Variants in ARSI observed in about 807,000 individuals in gnomAD.
ARSI encodes the protein arylsulfatase I.
ARSI carries 37 observed loss-of-function variants against 42.1 expected under a neutral mutation model. That is an observed-to-expected ratio of 0.88 (90% CI 0.68 to 1.16). The LOEUF is 1.16. Ranked by LOEUF, ARSI falls within the 50% of genes most tolerant of loss-of-function variation. ARSI has a pLI of 0.00. For synonymous variants in ARSI, 305 were observed against 320.3 expected, an observed-to-expected ratio of 0.95 and a Z score of 0.51; for missense variants, 725 against 790.1, an observed-to-expected ratio of 0.92 and a Z score of 0.99.
In ARSI at chr5:150,297,279, T is replaced by C. The variant is rs1334354572; in HGVS notation, c.1645A>G (p.Lys549Glu). The C allele has an allele frequency of 1.2e-6, 2 of 1,605,960 alleles. No homozygotes were observed. Among genetic ancestry groups the C allele is most frequent in the Non-Finnish European group, 1.7e-6 (2 of 1,176,848 alleles). Residue 549 changes from lysine to glutamate, a missense_variant, in exon 2 of 2, where the codon AAG becomes GAG. Physicochemically the swap from Lys to Glu is moderately conservative, Grantham distance 56. Transcript: ENST00000328668. The surrounding 1 kb of genome is among the most constrained non-coding windows in gnomAD (Gnocchi z 7.0). ...AAAAAGGATCGAAGCTTGCAAATCT[T>C]GCATTTTTTCTTGCGACGACCCCGG... ...FSRGRRKKKCKICKLRSFFRK... is the reference protein window; with the variant it reads ...FSRGRRKKKCEICKLRSFFRK...
In ARSI at chr5:150,301,046, C is replaced by A. The variant is rs188862025; in HGVS notation, c.311+1017G>T. ...CCAGCTCCGGGACCCCCGCCAAACA[C>A]CTGGCCTCTCAATCCTATCTCCCAC... On this transcript the variant is annotated intron_variant, in intron 1 of 1. Coordinates refer to ENST00000328668, the MANE Select transcript of ARSI (RefSeq NM_001012301.4). Among the ~76,000 whole-genome samples the A allele has an allele frequency of 3.2e-4, 49 of 152,314 alleles. No homozygotes were observed. In the East Asian group the frequency reaches 8.7e-3, roughly 27 times the overall value.
At position 150,298,288 on chromosome 5, in the gene ARSI, A is replaced by G. The variant is rs6579784; in HGVS notation, c.636T>C (p.Tyr212=). The change falls in exon 2 of 2, where the codon TAT becomes TAC. Residue 212 remains tyrosine (Y), a synonymous_variant. Transcript: ENST00000328668. The part of the protein sequence containing the change: ...GLSGQYSTML[Y]AQRASHILAS... ...CCAGGATATGGCTGGCGCGCTGGGC[A>G]TAAAGCATAGTGGAGTACTGGCCGC... 1,603,637 of 1,613,410 alleles carry G rather than the reference A, an allele frequency of 0.99. 796,971 individuals are homozygous for G. Among genetic ancestry groups the G allele is most frequent in the East Asian group, 1 (44,853 of 44,854 alleles).
chr5:150,297,226 G>A lies in ARSI; in HGVS notation c.1698C>T (p.Ser566=), dbSNP rs745387772. The change falls in exon 2 of 2, where the codon TCC becomes TCT. Residue 566 remains serine, a synonymous_variant. Transcript: ENST00000328668. This position sits in a 1 kb window ranked among gnomAD's most constrained non-coding sequence, Gnocchi z 7.0. The part of the protein sequence containing the change: ...FFRKLNTRLM[S]QRI ...TCCCTCCCCACCATCAGATCCGTTG[G>A]GACATTAGCCTGGTGTTGAGTTTAC... 5.1e-6 allele frequency: 8 copies of A among 1,572,184 alleles called. No homozygotes were observed. The highest frequency in any genetic ancestry group is 1.7e-4 in the Middle Eastern group (1 of 5,846).
In ARSI at chr5:150,302,053, C is replaced by T. The variant is rs1313914517; in HGVS notation, c.311+10G>A. 5 of 1,562,886 alleles carry T rather than the reference C, an allele frequency of 3.2e-6. No homozygotes were observed. The highest frequency in any genetic ancestry group is 4.3e-6 in the Non-Finnish European group (5 of 1,152,976). ...AGATGCCCAGCCCCGGGGCCTTGAG[C>T]CACGCCTACCTGCCAGTGAGGAGCT... On this transcript the variant is annotated intron_variant, in intron 1 of 1. Transcript: ENST00000328668. This position sits in a 1 kb window ranked among gnomAD's most constrained non-coding sequence, Gnocchi z 6.1.
In ARSI at chr5:150,296,690, G is replaced by C. The variant is rs1342168599; in HGVS notation, c.*524C>G. 1 of 152,752 alleles carries C rather than the reference G, an allele frequency of 6.5e-6. No individual in the cohort carries two copies. The highest frequency in any genetic ancestry group is 6.5e-5 in the Admixed American group (1 of 15,334). The allele number at this position is 152,752 out of a possible 1,614,324, so 9.5% of individuals were successfully genotyped here. A position where few individuals can be genotyped will look rare whatever the true frequency, so the allele number is the denominator to read the frequency against. Reference sequence around the variant, plus strand: ...CCTAGGCCATGTGAAGACCCAAGAAGGTCAACCCCCCCGACCCCTGCCCTC... The same window carrying C: ...CCTAGGCCATGTGAAGACCCAAGAACGTCAACCCCCCCGACCCCTGCCCTC... On this transcript the variant is annotated 3_prime_UTR_variant, in exon 2 of 2. Transcript: ENST00000328668.
At chr5:150,299,026 T>G (rs1009495321) in intron 1 of ARSI, among the ~76,000 whole-genome samples, 1 of 152,178 alleles carries the variant, frequency 6.6e-6, no homozygotes, top group Non-Finnish European at 1.5e-5. Context: ...TCACCACAAA[T>G]TCAGAGGTAC....
chr5:150,297,802 C>A lies in ARSI; in HGVS notation c.1122G>T (p.Trp374Cys). Residue 374 changes from tryptophan to cysteine, a missense_variant, in exon 2 of 2, where the codon TGG becomes TGT. Physicochemically the swap from Trp to Cys is radical, Grantham distance 215. Coordinates refer to ENST00000328668, the MANE Select transcript of ARSI (RefSeq NM_001012301.4). The surrounding 1 kb of genome is among the most constrained non-coding windows in gnomAD (Gnocchi z 7.0). Reference protein sequence around the residue: ...AADGLDGYDVWPAISEGRASP... With the variant: ...AADGLDGYDVCPAISEGRASP... ...AGGCCCGGCCCTCGCTGATGGCCGG[C>A]CACACGTCGTAGCCATCTAGCCCAT... 1.9e-6 allele frequency: 3 copies of A among 1,604,672 alleles called. No individual in the cohort carries two copies. Among genetic ancestry groups the A allele is most frequent in the Non-Finnish European group, 2.6e-6 (3 of 1,174,760 alleles).
At position 150,301,941 on chromosome 5, in the gene ARSI, A is replaced by G. The variant is rs190389750; in HGVS notation, c.311+122T>C. ...AGAGAGGGCGAGGGACTTACTAATG[A>G]TTACACAGCCAACAGGAGATTTCCC... On this transcript the variant is annotated intron_variant, in intron 1 of 1. Coordinates refer to ENST00000328668, the MANE Select transcript of ARSI (RefSeq NM_001012301.4). 4.1e-5 allele frequency: 44 copies of G among 1,085,704 alleles called. No homozygotes were observed. In the African/African-American group the frequency reaches 6.5e-4, roughly 16 times the overall value. 67.3% of individuals were successfully genotyped at this position (1,085,704 alleles called of 1,614,324 possible). A position where few individuals can be genotyped will look rare whatever the true frequency, so the allele number is the denominator to read the frequency against.
At chr5:150,301,821 C>T (rs1256097196) in intron 1 of ARSI, among the ~76,000 whole-genome samples, 1 of 152,090 alleles carries the variant, frequency 6.6e-6, no homozygotes, top group Non-Finnish European at 1.5e-5. Context: ...GATGTCTCCA[C>T]GTTGTGTGGA....
rs901350178 is a variant in ARSI at position 150,302,547 on chromosome 5, G to A, written c.-174C>T. ...GCTGCCGGACGGCTGGGCCGGATCT[G>A]CTCGGCCGCAGCGGGGCGCTCTGGG... On this transcript the variant is annotated 5_prime_UTR_variant, in exon 1 of 2. Transcript: ENST00000328668. The surrounding 1 kb of genome is among the most constrained non-coding windows in gnomAD (Gnocchi z 6.1). The A allele has an allele frequency of 3.0e-5, 14 of 473,230 alleles. No individual in the cohort carries two copies. Among genetic ancestry groups the A allele is most frequent in the African/African-American group, 6.1e-5 (3 of 48,986 alleles). The allele number at this position is 473,230 out of a possible 1,614,324, so 29.3% of individuals were successfully genotyped here.
intron 1 of ARSI, 81 bp downstream of exon 1, chr5:150,301,982 G>A: frequency 1.4e-6 from 2 of 1,394,164 alleles, no homozygotes; most frequent in South Asian, 2.8e-5. Context: ...CCAGCATGGG[G>A]TGGTACTGGC....
rs201644621 is a variant in ARSI, at chr5:150,298,135, G to A, written c.789C>T (p.Tyr263=). The part of the protein sequence containing the change: ...RTMGNVARRK[Y]AAMVTCMDEA... ...CATCCATGCAGGTCACCATGGCCGC[G>A]TACTTCCGCCGGGCCACATTGCCCA... The change falls in exon 2 of 2, where the codon TAC becomes TAT. Residue 263 remains tyrosine, a synonymous_variant. Transcript: ENST00000328668. 3.3e-5 allele frequency: 53 copies of A among 1,613,908 alleles called. No individual in the cohort carries two copies. In the Admixed American group the frequency reaches 6.7e-4, roughly 20 times the overall value.
At chr5:150,299,937 T>C (rs1757892511) in intron 1 of ARSI, among the ~76,000 whole-genome samples, 2 of 152,184 alleles carry the variant, frequency 1.3e-5, no homozygotes, top group Admixed American at 1.3e-4. Flanking sequence ...TTCCCCCTTC[T>C]GTGGTCAAGG....
In ARSI at chr5:150,297,607, C is replaced by T. The variant is rs111413198; in HGVS notation, c.1317G>A (p.Pro439=). Residue 439 remains proline (P), a synonymous_variant, in exon 2 of 2, where the codon CCG becomes CCA. Coordinates refer to ENST00000328668, the MANE Select transcript of ARSI (RefSeq NM_001012301.4). The surrounding 1 kb of genome is among the most constrained non-coding windows in gnomAD (Gnocchi z 7.0). ...GDPGYGDWIP[P]QTLATFPGSW... is the part of the protein sequence containing the mutation. ...TACCCGGGAAGGTGGCCAGTGTCTGCGGTGGGATCCAATCGCCATAGCCGG... is the reference window on the plus strand; with the variant it reads ...TACCCGGGAAGGTGGCCAGTGTCTGTGGTGGGATCCAATCGCCATAGCCGG... 1.6e-5 allele frequency: 26 copies of T among 1,610,226 alleles called. No individual in the cohort carries two copies. The highest frequency in any genetic ancestry group is 1.3e-4 in the East Asian group (6 of 44,868).
In ARSI at chr5:150,302,075, A is replaced by T. The variant is rs1485767860; in HGVS notation, c.299T>A (p.Leu100His). Residue 100 changes from leucine (L) to histidine (H), a missense_variant, in exon 1 of 2, where the codon CTC becomes CAC. By Grantham distance (99) the Leu-to-His change is moderately conservative. Coordinates refer to ENST00000328668, the MANE Select transcript of ARSI (RefSeq NM_001012301.4). This position sits in a 1 kb window ranked among gnomAD's most constrained non-coding sequence, Gnocchi z 6.1. ...QPICTPSRSQ[L>H]LTGRYQIHTG... ...GAGCCACGCCTACCTGCCAGTGAGG[A>T]GCTGGCTCCGCGAAGGCGTGCAGAT... 6.3e-7 allele frequency: 1 copy of T among 1,589,556 alleles called. No homozygotes were observed. The highest frequency in any genetic ancestry group is 1.8e-5 in the Admixed American group (1 of 56,372).
chr5:150,298,112 T>A lies in ARSI; in HGVS notation c.812A>T (p.Asp271Val), dbSNP rs145206443. 29 of 1,613,578 alleles carry A rather than the reference T, an allele frequency of 1.8e-5. No homozygotes were observed. Among genetic ancestry groups the A allele is most frequent in the Non-Finnish European group, 2.5e-5 (29 of 1,180,014 alleles). Residue 271 changes from aspartate (D) to valine (V), a missense_variant, in exon 2 of 2, where the codon GAT (aspartate) becomes GTT (valine). By Grantham distance (152) the Asp-to-Val change is radical. Coordinates refer to ENST00000328668, the MANE Select transcript of ARSI (RefSeq NM_001012301.4). ...RKYAAMVTCM[D>V]EAVRNITWAL... ...CCAGGTGATGTTGCGCACAGCCTCA[T>A]CCATGCAGGTCACCATGGCCGCGTA...
In ARSI at chr5:150,298,467, A is replaced by G. The variant is rs1365416874; in HGVS notation, c.457T>C (p.Tyr153His). 1.2e-6 allele frequency: 2 copies of G among 1,614,226 alleles called. No individual in the cohort carries two copies. The highest frequency in any genetic ancestry group is 1.7e-6 in the Non-Finnish European group (2 of 1,180,042). Reference sequence around the variant, plus strand: ...CGGGTGGGCAGACACTCCTTCCGGTAGAAGCCCAGGTGCCACTTGCCCACC... The same window carrying G: ...CGGGTGGGCAGACACTCCTTCCGGTGGAAGCCCAGGTGCCACTTGCCCACC... ...HMVGKWHLGF[Y>H]RKECLPTRRG... The change falls in exon 2 of 2, where the codon TAC becomes CAC. Residue 153 changes from tyrosine to histidine, a missense_variant. Tyr to His is a moderately conservative substitution (Grantham distance 83, BLOSUM62 2). Transcript: ENST00000328668.
Position 150,296,959 on chromosome 5 carries a change from C to T in ARSI, c.*255G>A. On this transcript the variant is annotated 3_prime_UTR_variant, in exon 2 of 2. Coordinates refer to ENST00000328668, the MANE Select transcript of ARSI (RefSeq NM_001012301.4). ...AGAGCTCATTTTACAGATGAGGAAA[C>T]TGAGGCTAAAAGCTCATGTGGGTCA... 1 of 393,646 alleles carries T rather than the reference C, an allele frequency of 2.5e-6. No individual in the cohort carries two copies. Among genetic ancestry groups the T allele is most frequent in the Non-Finnish European group, 4.5e-6 (1 of 223,280 alleles). The allele number at this position is 393,646 out of a possible 1,614,324, so 24.4% of individuals were successfully genotyped here. A position where few individuals can be genotyped will look rare whatever the true frequency, so the allele number is the denominator to read the frequency against.
Position 150,298,225 on chromosome 5 carries a change from C to A in ARSI, c.699G>T (p.Val233=). Residue 233 remains valine (V), a synonymous_variant, in exon 2 of 2, where the codon GTG becomes GTT. Transcript: ENST00000328668. ...GGGGTGTGTGTACTGCCTGGAAGGC[C>A]ACATAGAGGAAGAGGGGACGCTGAG... is the stretch of plus-strand genomic sequence containing the variant. ...HSPQRPLFLY[V]AFQAVHTPLQ... is the part of the protein sequence containing the mutation. 6.2e-7 allele frequency: 1 copy of A among 1,614,138 alleles called. No homozygotes were observed. Among genetic ancestry groups the A allele is most frequent in the Non-Finnish European group, 8.5e-7 (1 of 1,180,030 alleles).
Sources: gnomAD v4.1 joint callset for allele counts (sites outside exome capture counted in the v4.1 genomes callset) on GRCh38, gnomAD v4.1.1 for gene constraint, Gnocchi (gnomAD v3.1) non-coding constraint, MANE v1.5 for transcripts, NCBI Gene and HGNC (gene_info 2026-07-23, HGNC 2026-07-21) for gene names.